The following GALNT17 variants were observed in gnomAD, a reference collection of about 807,000 sequenced individuals.
GALNT17 encodes the protein polypeptide N-acetylgalactosaminyltransferase 17.
GALNT17 carries 29 observed loss-of-function variants against 63.7 expected under a neutral mutation model. The observed-to-expected ratio is 0.46, with a 90% CI of 0.34 to 0.62. The LOEUF is 0.62. Among genes scored for constraint, GALNT17 ranks in the 20% least tolerant of loss-of-function variants. The pLI, the probability that GALNT17 is intolerant of heterozygous loss-of-function variation, is 0.01. For synonymous variants in GALNT17, 305 were observed against 318.3 expected (o/e 0.96, Z 0.45); for missense variants, 603 against 799.6 (o/e 0.75, Z 2.97).
At chr7:71,192,422 G>T (rs1202662) in intron 1 of GALNT17, among the ~76,000 whole-genome samples, 19,758 of 150,028 alleles carry the variant, frequency 0.13, 1,403 homozygotes, top group East Asian at 0.26. Flanking sequence ...TGGAGGTGGA[G>T]TCTTACTCTG....
chr7:71,392,658 G>A (rs935580111), intron 3 of GALNT17, among the ~76,000 whole-genome samples: 1 of 152,156 alleles, frequency 6.6e-6, no homozygotes, highest in African/African-American at 2.4e-5. Flanking sequence ...AAGATGTTCA[G>A]TGAGTAAGAA....
At chr7:71,505,474 CTTG>C (rs923750250) in intron 5 of GALNT17, among the ~76,000 whole-genome samples, 29 of 152,274 alleles carry the variant, frequency 1.9e-4, no homozygotes, top group African/African-American at 6.3e-4. Flanking sequence ...GTGGCACATA[CTTG>C]TTGTCCCAGC....
At chr7:71,288,202 T>TG (rs902933018) in intron 1 of GALNT17, among the ~76,000 whole-genome samples, 1 of 94,732 alleles carries the variant, frequency 1.1e-5, no homozygotes, top group African/African-American at 4.5e-5. Context: ...GGCGACAGAG[T>TG]GGGACTCCAT....
chr7:71,346,026 TAAAAAA>T (rs35499113), intron 2 of GALNT17, among the ~76,000 whole-genome samples: 1 of 127,224 alleles, frequency 7.9e-6, no homozygotes. Context: ...TACTAAAAAT[TAAAAAA>T]AAAAAAAAAA....
intron 1 of GALNT17, among the ~76,000 whole-genome samples, chr7:71,231,720 G>A (rs80346708): frequency 6.6e-6 from 1 of 150,864 alleles, no homozygotes; most frequent in Non-Finnish European, 1.5e-5. Flanking sequence ...AGAGGGGAGT[G>A]GGGGAGGGAG....
intron 3 of GALNT17, among the ~76,000 whole-genome samples, chr7:71,396,288 G>C (rs1271979039): frequency 1.3e-5 from 2 of 151,998 alleles, no homozygotes; most frequent in Non-Finnish European, 2.9e-5. Context: ...GCTAATTTTT[G>C]TATATGGTTT....
chr7:71,583,929 C>G (rs1482190914), intron 6 of GALNT17, among the ~76,000 whole-genome samples: 1 of 151,472 alleles, frequency 6.6e-6, no homozygotes, highest in East Asian at 1.9e-4. Context: ...TGGAGACTAT[C>G]CTGGCTAACA....
intron 1 of GALNT17, among the ~76,000 whole-genome samples, chr7:71,235,952 G>A (rs531280803): frequency 2.0e-4 from 31 of 152,308 alleles, no homozygotes; most frequent in African/African-American, 7.5e-4. Context: ...TGCTGAGGCG[G>A]GTGGATCACC....
intron 9 of GALNT17, among the ~76,000 whole-genome samples, chr7:71,682,698 C>T (rs1172981602): frequency 1.3e-5 from 2 of 152,094 alleles, no homozygotes; most frequent in Non-Finnish European, 2.9e-5. Context: ...GCATGAATCA[C>T]CTTGCCCAGC....
At chr7:71,494,031 G>A (rs905897957) in intron 5 of GALNT17, among the ~76,000 whole-genome samples, 2 of 152,120 alleles carry the variant, frequency 1.3e-5, no homozygotes, top group South Asian at 2.1e-4. Flanking sequence ...AGAAATACCC[G>A]AGACTGGGTA....
intron 5 of GALNT17, among the ~76,000 whole-genome samples, chr7:71,510,843 G>A (rs746613429): frequency 7.2e-5 from 11 of 152,138 alleles, no homozygotes; most frequent in Non-Finnish European, 1.3e-4. Context: ...GAAGGTCAGG[G>A]TATGCCTGTC....
chr7:71,225,224 C>T (rs1290101078), intron 1 of GALNT17, among the ~76,000 whole-genome samples: 1 of 152,192 alleles, frequency 6.6e-6, no homozygotes, highest in Non-Finnish European at 1.5e-5. Context: ...CCGCCTCAGC[C>T]TCCCAAAGTG....
At chr7:71,555,962 A>G (rs1215382241) in intron 5 of GALNT17, among the ~76,000 whole-genome samples, 2 of 152,258 alleles carry the variant, frequency 1.3e-5, no homozygotes, top group African/African-American at 4.8e-5. Flanking sequence ...ACAACAGAAA[A>G]TTAACATCTC....
intron 6 of GALNT17, among the ~76,000 whole-genome samples, chr7:71,601,645 C>T (rs984696542): frequency 1.3e-5 from 2 of 151,958 alleles, no homozygotes; most frequent in African/African-American, 4.8e-5. Flanking sequence ...ATTAGCCAGG[C>T]ATGGTAGTGC....
At chr7:71,600,853 G>A (rs1284126755) in intron 6 of GALNT17, among the ~76,000 whole-genome samples, 2 of 151,708 alleles carry the variant, frequency 1.3e-5, no homozygotes, top group East Asian at 1.9e-4. Flanking sequence ...AGATCATGGT[G>A]CACCCATCAC....
intron 6 of GALNT17, among the ~76,000 whole-genome samples, chr7:71,637,092 G>A (rs987902601): frequency 2.6e-5 from 4 of 152,124 alleles, no homozygotes; most frequent in East Asian, 3.8e-4. Flanking sequence ...ATGTTATTAC[G>A]TGATCGAATT....
intron 1 of GALNT17, among the ~76,000 whole-genome samples, chr7:71,192,352 G>A (rs538131089): frequency 1.3e-5 from 2 of 151,686 alleles, no homozygotes; most frequent in East Asian, 3.9e-4. Context: ...ATCCAATTAA[G>A]TTGACACTCA....
At chr7:71,435,881 G>A (rs935207733) in intron 5 of GALNT17, among the ~76,000 whole-genome samples, 12 of 152,020 alleles carry the variant, frequency 7.9e-5, no homozygotes, top group African/African-American at 1.7e-4. Flanking sequence ...TTAGCAGGGC[G>A]TGGTGGCGGA....
chr7:71,172,718 C>T (rs1788567401), intron 1 of GALNT17, among the ~76,000 whole-genome samples: 1 of 152,146 alleles, frequency 6.6e-6, no homozygotes, highest in African/African-American at 2.4e-5. Context: ...TAAATGTTTA[C>T]TGGATAGATA....
Sources: allele counts gnomAD v4.1 joint callset (sites outside exome capture counted in the v4.1 genomes callset), GRCh38; gene constraint gnomAD v4.1.1; transcripts MANE v1.5; gene names NCBI Gene and HGNC (gene_info 2026-07-23, HGNC 2026-07-21).